FNDC3B: variants seen among roughly 807,000 people sequenced by gnomAD.
FNDC3B encodes the protein fibronectin type III domain-containing protein 3B.
In FNDC3B, 12 loss-of-function variants were observed where a neutral mutation model predicts 151.5. That is an observed-to-expected ratio of 0.08 (90% CI 0.05 to 0.13). The LOEUF is 0.13. FNDC3B is among the 10% of genes least tolerant of loss of function. The pLI is 1.00. For missense variants in FNDC3B, 1,214 were observed against 1,505.3 expected, an observed-to-expected ratio of 0.81 and a Z score of 3.20; for synonymous variants, 528 against 549.0, an observed-to-expected ratio of 0.96 and a Z score of 0.54.
At chr3:172,053,429 A>G (rs909455621) in intron 1 of FNDC3B, among the ~76,000 whole-genome samples, 1 of 152,150 alleles carries the variant, frequency 6.6e-6, no homozygotes, top group African/African-American at 2.4e-5. Flanking sequence ...ACTAAGGCTA[A>G]ATATTAGCTG....
Position 172,173,213 on chromosome 3 carries a change from T to C in FNDC3B, c.187+39667T>C, listed in dbSNP as rs116668482. Among the ~76,000 whole-genome samples, 243 of 152,292 alleles carry C rather than the reference T, an allele frequency of 1.6e-3. 2 individuals carry two copies. Among genetic ancestry groups the C allele is most frequent in the African/African-American group, 5.6e-3 (233 of 41,570 alleles). ...TTAAAAGACAGGGAGTTTATAGAACTCCCTTTTCTGCTTGTCATAAGGTTA... is the reference window on the plus strand; with the variant it reads ...TTAAAAGACAGGGAGTTTATAGAACCCCCTTTTCTGCTTGTCATAAGGTTA... On this transcript the variant is annotated intron_variant, in intron 3 of 25. Coordinates refer to ENST00000415807, the MANE Select transcript of FNDC3B (RefSeq NM_022763.4).
intron 9 of FNDC3B, among the ~76,000 whole-genome samples, chr3:172,305,391 C>CTTGT (rs1264327438): frequency 2.6e-5 from 4 of 152,080 alleles, no homozygotes; most frequent in African/African-American, 4.8e-5. Context: ...TTTCTTGCAA[C>CTTGT]TTGTTTGTTA....
chr3:172,342,755 C>T (rs1733400036), intron 17 of FNDC3B, among the ~76,000 whole-genome samples: 1 of 152,156 alleles, frequency 6.6e-6, no homozygotes, highest in Non-Finnish European at 1.5e-5. Context: ...CTCATGTCTG[C>T]TAATCTAACT....
At chr3:172,319,132 A>G (rs1731958299) in intron 11 of FNDC3B, among the ~76,000 whole-genome samples, 2 of 152,164 alleles carry the variant, frequency 1.3e-5, no homozygotes, top group South Asian at 4.1e-4. Flanking sequence ...GCTAAATTAT[A>G]AATCTCCTCT....
At position 172,330,732 on chromosome 3, in the gene FNDC3B, T is replaced by G. The variant is rs376330384; in HGVS notation, c.1554+17T>G. 77 of 1,600,480 alleles carry G rather than the reference T, an allele frequency of 4.8e-5. No individual in the cohort carries two copies. Among genetic ancestry groups the G allele is most frequent in the Non-Finnish European group, 6.3e-5 (74 of 1,168,802 alleles). On this transcript the variant is annotated intron_variant, in intron 13 of 25. Transcript: ENST00000415807. Reference sequence around the variant, plus strand: ...GATGAAAATGTGAGTTTTACAGATTTTATACTTCTCTGTGTTTTGTACGAG... The same window carrying G: ...GATGAAAATGTGAGTTTTACAGATTGTATACTTCTCTGTGTTTTGTACGAG...
At chr3:172,111,407 T>C (rs1719958921) in intron 1 of FNDC3B, among the ~76,000 whole-genome samples, 1 of 152,230 alleles carries the variant, frequency 6.6e-6, no homozygotes, top group Admixed American at 6.5e-5. Context: ...AACAGCATGA[T>C]GGTACTATTA....
chr3:172,273,604 C>A (rs1327362578), intron 6 of FNDC3B, among the ~76,000 whole-genome samples: 1 of 152,216 alleles, frequency 6.6e-6, no homozygotes, highest in African/African-American at 2.4e-5. Flanking sequence ...GTGAGACTTT[C>A]ATCCAGTGGC....
At chr3:172,182,244 C>T (rs1024395493) in intron 3 of FNDC3B, among the ~76,000 whole-genome samples, 2 of 152,130 alleles carry the variant, frequency 1.3e-5, no homozygotes, top group African/African-American at 4.8e-5. Flanking sequence ...TAGGAGCTGG[C>T]GTGGTCACAG....
intron 7 of FNDC3B, among the ~76,000 whole-genome samples, chr3:172,288,850 T>C (rs1338239393): frequency 6.6e-6 from 1 of 152,226 alleles, no homozygotes; most frequent in Non-Finnish European, 1.5e-5. Flanking sequence ...CCACCCTGCA[T>C]GTCTGGTTCT....
chr3:172,317,142 A>G (rs947815163), intron 11 of FNDC3B: 83 of 440,368 alleles, frequency 1.9e-4, no homozygotes, highest in African/African-American at 1.7e-3. Flanking sequence ...AAAAATGACC[A>G]CCTCTCAACA....
intron 25 of FNDC3B, among the ~76,000 whole-genome samples, chr3:172,395,771 G>C (rs1290729481): frequency 6.6e-6 from 1 of 152,190 alleles, no homozygotes; most frequent in Non-Finnish European, 1.5e-5. Context: ...ATAGGCAAAA[G>C]ACTTGTACAT....
intron 1 of FNDC3B, among the ~76,000 whole-genome samples, chr3:172,050,114 A>G (rs977302409): frequency 2.6e-5 from 4 of 152,024 alleles, no homozygotes; most frequent in Admixed American, 6.5e-5. Context: ...GATGTTGAGT[A>G]TAGTTGGATC....
chr3:172,208,696 G>C (rs557806089), intron 3 of FNDC3B, among the ~76,000 whole-genome samples: 7 of 137,540 alleles, frequency 5.1e-5, no homozygotes, highest in African/African-American at 2.0e-4. Flanking sequence ...AGTTTTGCTC[G>C]TGCCTTCTGG....
At position 172,041,179 on chromosome 3, in the gene FNDC3B, C is replaced by T. The variant is rs538379248; in HGVS notation, c.-29+1408C>T. On this transcript the variant is annotated intron_variant, in intron 1 of 25. Transcript: ENST00000415807. ...CTGCTGGTTTCTAGTCCCCCCTCCC[C>T]CTCTTCCCTCCCAGGCTTAATCATA... Among the ~76,000 whole-genome samples the T allele has an allele frequency of 8.5e-5, 13 of 152,274 alleles. No homozygotes were observed. The East Asian group carries it at 2.5e-3, about 29-fold the overall frequency.
At position 172,040,378 on chromosome 3, in the gene FNDC3B, G is replaced by A. The variant is rs1452905533; in HGVS notation, c.-29+607G>A. On this transcript the variant is annotated intron_variant, in intron 1 of 25. Coordinates refer to ENST00000415807, the MANE Select transcript of FNDC3B (RefSeq NM_022763.4). This position sits in a 1 kb window ranked among gnomAD's most constrained non-coding sequence, Gnocchi z 6.6. ...GGGATGCTCGCGGGGAGGGTCCCGA[G>A]CCCGCGCCGGCCTGGCCCCCCCGTC... Among the ~76,000 whole-genome samples, 1 of 151,980 alleles carries A rather than the reference G, an allele frequency of 6.6e-6. No homozygotes were observed.
At chr3:172,122,149 T>G (rs1720584386) in intron 2 of FNDC3B, among the ~76,000 whole-genome samples, 1 of 152,240 alleles carries the variant, frequency 6.6e-6, no homozygotes, top group Non-Finnish European at 1.5e-5. Flanking sequence ...TCTTTTTTAG[T>G]CCAAATGATT....
rs1316135032 is a variant in FNDC3B, at chr3:172,040,405, C to G, written c.-29+634C>G. 5 of 152,014 alleles carry G rather than the reference C, an allele frequency of 3.3e-5. No homozygotes were observed. The highest frequency in any genetic ancestry group is 3.3e-4 in the Admixed American group (5 of 15,264). The allele number at this position is 152,014 out of a possible 1,614,324, so 9.4% of individuals were successfully genotyped here. A position where few individuals can be genotyped will look rare whatever the true frequency, so the allele number is the denominator to read the frequency against. On this transcript the variant is annotated intron_variant, in intron 1 of 25. Coordinates refer to ENST00000415807, the MANE Select transcript of FNDC3B (RefSeq NM_022763.4). The surrounding 1 kb of genome is among the most constrained non-coding windows in gnomAD (Gnocchi z 6.6). ...CCGCGCCGGCCTGGCCCCCCCGTCC[C>G]CGGCTGGGCCTCTCCGGGACACTCC...
chr3:172,296,202 G>T (rs1730593983), intron 8 of FNDC3B, among the ~76,000 whole-genome samples: 1 of 152,214 alleles, frequency 6.6e-6, no homozygotes, highest in African/African-American at 2.4e-5. Flanking sequence ...TTAACTGCTT[G>T]TTTGGCCTCC....
chr3:172,252,906 G>A (rs1728158649), intron 6 of FNDC3B, among the ~76,000 whole-genome samples: 1 of 152,136 alleles, frequency 6.6e-6, no homozygotes, highest in Non-Finnish European at 1.5e-5. Context: ...AAGGGAAGAT[G>A]CTGGGTCTCA....
Sources: allele counts gnomAD v4.1 joint callset (sites outside exome capture counted in the v4.1 genomes callset), GRCh38; gene constraint gnomAD v4.1.1; non-coding constraint Gnocchi (gnomAD v3.1); transcripts MANE v1.5; gene names NCBI Gene and HGNC (gene_info 2026-07-23, HGNC 2026-07-21).